ZNF423: variants seen among roughly 807,000 people sequenced by gnomAD.
ZNF423 encodes the protein zinc finger protein 423, also known as Ebf-associated zinc finger protein.
Under a neutral mutation model 95.8 loss-of-function variants are expected in ZNF423, and 12 were observed. The ratio of observed to expected loss-of-function variants is 0.13; its 90% confidence interval spans 0.08 to 0.20. The LOEUF (loss-of-function observed/expected upper bound fraction) is 0.20. ZNF423 is among the 10% of genes least tolerant of loss of function. The pLI is 1.00. For synonymous variants in ZNF423, 749 were observed against 711.9 expected (o/e 1.05, Z -0.83); for missense variants, 1,316 against 1,737.1 (o/e 0.76, Z 4.31).
At chr16:49,611,720 G>A (rs2151844868) in intron 5 of ZNF423, among the ~76,000 whole-genome samples, 1 of 151,882 alleles carries the variant, frequency 6.6e-6, no homozygotes, top group Non-Finnish European at 1.5e-5. Flanking sequence ...TTAAAAGATT[G>A]ATAAAATTGA....
At chr16:49,634,345 C>T (rs767872371) in intron 4 of ZNF423, among the ~76,000 whole-genome samples, 3 of 152,026 alleles carry the variant, frequency 2.0e-5, no homozygotes, top group South Asian at 2.1e-4. Flanking sequence ...CCACAGCACC[C>T]GGCCTCGCTA....
chr16:49,572,421 G>A (rs953086234), intron 5 of ZNF423, among the ~76,000 whole-genome samples: 2 of 152,146 alleles, frequency 1.3e-5, no homozygotes, highest in African/African-American at 4.8e-5. Flanking sequence ...AAAGCATGAA[G>A]CCAAAGCACA....
chr16:49,661,185 T>G (rs770211992), intron 3 of ZNF423, among the ~76,000 whole-genome samples: 38 of 136,646 alleles, frequency 2.8e-4, no homozygotes, highest in Non-Finnish European at 4.5e-4. Context: ...ACCATTGCAC[T>G]CCAGCCCAGG....
At chr16:49,560,524 C>T (rs768329524) in intron 5 of ZNF423, among the ~76,000 whole-genome samples, 3 of 152,092 alleles carry the variant, frequency 2.0e-5, no homozygotes, top group Non-Finnish European at 2.9e-5. Context: ...AAGGTTTCCC[C>T]GCAAAATCAA....
intron 1 of ZNF423, among the ~76,000 whole-genome samples, chr16:49,827,514 A>T (rs577178005): frequency 7.9e-6 from 1 of 126,086 alleles, no homozygotes; most frequent in African/African-American, 2.9e-5. Context: ...ATGAATGAAC[A>T]GCTAACTTTT....
rs1385101999 is a variant in ZNF423 at position 49,492,946 on chromosome 16, G to A, written c.3850-1642C>T. 6.6e-6 allele frequency among the ~76,000 whole-genome samples: 1 copy of A among 152,102 alleles called. No homozygotes were observed. The highest frequency in any genetic ancestry group is 2.4e-5 in the African/African-American group (1 of 41,404). On this transcript the variant is annotated intron_variant, in intron 7 of 7. Coordinates refer to ENST00000563137, the MANE Select transcript of ZNF423 (RefSeq NM_001379286.1). This position sits in a 1 kb window ranked among gnomAD's most constrained non-coding sequence, Gnocchi z 4.2. ...GGCTTCCCAGGGCCTGCACCCCATG[G>A]GCACCGCAGTCTGCAAATCACCCGC... is the stretch of plus-strand genomic sequence containing the variant.
intron 3 of ZNF423, among the ~76,000 whole-genome samples, chr16:49,695,345 T>G (rs1245953274): frequency 6.6e-6 from 1 of 152,196 alleles, no homozygotes; most frequent in Non-Finnish European, 1.5e-5. Flanking sequence ...CAGGCTGGAG[T>G]GCAATGGCAC....
chr16:49,606,526 G>A (rs898382277), intron 5 of ZNF423, among the ~76,000 whole-genome samples: 1 of 152,220 alleles, frequency 6.6e-6, no homozygotes, highest in African/African-American at 2.4e-5. Flanking sequence ...TAGCCCTGAT[G>A]GACTGGGGGT....
intron 5 of ZNF423, among the ~76,000 whole-genome samples, chr16:49,570,871 T>C (rs1442825891): frequency 2.6e-5 from 4 of 152,174 alleles, no homozygotes; most frequent in African/African-American, 9.7e-5. Flanking sequence ...AGCACAAGTG[T>C]GTCAGCAGAG....
intron 4 of ZNF423, among the ~76,000 whole-genome samples, chr16:49,634,204 C>CTTTTT (rs528621494): frequency 8.8e-6 from 1 of 114,248 alleles, no homozygotes; most frequent in African/African-American, 3.4e-5. Context: ...CCACACCTGG[C>CTTTTT]TTTTTTTTTT....
chr16:49,662,643 A>C (rs2030302446), intron 3 of ZNF423, among the ~76,000 whole-genome samples: 1 of 152,198 alleles, frequency 6.6e-6, no homozygotes, highest in African/African-American at 2.4e-5. Flanking sequence ...AGTCCGTAGT[A>C]AATCACGTGT....
At chr16:49,500,599 G>A (rs1004516334) in intron 7 of ZNF423, among the ~76,000 whole-genome samples, 5 of 152,182 alleles carry the variant, frequency 3.3e-5, no homozygotes, top group African/African-American at 9.7e-5. Context: ...AGAGCCTGGG[G>A]TGGAAGTGAC....
chr16:49,851,796 G>T (rs372798564), intron 1 of ZNF423, among the ~76,000 whole-genome samples: 1 of 152,318 alleles, frequency 6.6e-6, no homozygotes, highest in African/African-American at 2.4e-5. Flanking sequence ...AAGGAAACAG[G>T]TGTAAGAATC....
intron 3 of ZNF423, among the ~76,000 whole-genome samples, chr16:49,695,207 G>A (rs541589084): frequency 1.2e-4 from 19 of 152,206 alleles, no homozygotes; most frequent in Non-Finnish European, 2.2e-4. Context: ...TCTGCCTCAC[G>A]GGTTCAAGTG....
At chr16:49,702,551 C>T (rs907102302) in intron 3 of ZNF423, among the ~76,000 whole-genome samples, 1 of 151,812 alleles carries the variant, frequency 6.6e-6, no homozygotes, top group African/African-American at 2.4e-5. Flanking sequence ...AGGGTGGAGG[C>T]GGGGGGCTGG....
At chr16:49,677,949 G>A (rs1359353338) in intron 3 of ZNF423, among the ~76,000 whole-genome samples, 5 of 152,076 alleles carry the variant, frequency 3.3e-5, no homozygotes, top group East Asian at 3.9e-4. Context: ...TTGGGAGGCC[G>A]AGGCGGGTAG....
chr16:49,853,881 G>C, intron 1 of ZNF423: 1 of 985,330 alleles, frequency 1.0e-6, no homozygotes, highest in African/African-American at 1.7e-5. Flanking sequence ...GGAAGTCTAG[G>C]TAAGCAAGCT....
At chr16:49,798,556 C>A (rs1488893051) in intron 1 of ZNF423, among the ~76,000 whole-genome samples, 2 of 152,080 alleles carry the variant, frequency 1.3e-5, no homozygotes, top group African/African-American at 4.8e-5. Flanking sequence ...CAACACAACT[C>A]CTAACCAGAA....
chr16:49,716,589 CAG>C (rs1351646794), intron 3 of ZNF423, among the ~76,000 whole-genome samples: 1 of 152,210 alleles, frequency 6.6e-6, no homozygotes, highest in Non-Finnish European at 1.5e-5. Context: ...TGAGTTGGCA[CAG>C]AGTGTTTAAA....
Sources: allele counts gnomAD v4.1 joint callset (sites outside exome capture counted in the v4.1 genomes callset), GRCh38; gene constraint gnomAD v4.1.1; non-coding constraint Gnocchi (gnomAD v3.1); transcripts MANE v1.5; gene names NCBI Gene and HGNC (gene_info 2026-07-23, HGNC 2026-07-21).